SLIT3: variants seen among roughly 807,000 people sequenced by gnomAD.
SLIT3 encodes slit guidance ligand 3.
A neutral mutation model predicts 184.0 loss-of-function variants in SLIT3; 68 were observed. The observed-to-expected ratio is 0.37, with a 90% CI of 0.30 to 0.45. SLIT3 has a LOEUF of 0.45. Among genes scored for constraint, SLIT3 ranks in the 20% least tolerant of loss-of-function variants. The pLI is 1.00. For missense variants in SLIT3, 1,707 were observed against 2,026.0 expected (o/e 0.84, Z 3.02); for synonymous variants, 831 against 828.6 (o/e 1.00, Z -0.05).
At chr5:168,791,012 C>T (rs756065563) in intron 10 of SLIT3, 30 of 152,354 alleles carry the variant, frequency 2.0e-4, no homozygotes, top group African/African-American at 6.5e-4. Context: ...CCGACAAATC[C>T]GCAGATTGCA....
intron 4 of SLIT3, among the ~76,000 whole-genome samples, chr5:169,115,834 C>T (rs983060114): frequency 6.6e-6 from 1 of 152,216 alleles, no homozygotes; most frequent in Non-Finnish European, 1.5e-5. Flanking sequence ...GGGATCCGAT[C>T]CTCACACTTG....
At position 169,252,911 on chromosome 5, in the gene SLIT3, A is replaced by T. The variant is rs562698545; in HGVS notation, c.198-1452T>A. Among the ~76,000 whole-genome samples the T allele has an allele frequency of 1.4e-3, 212 of 152,298 alleles. 1 individual carries two copies. The highest frequency in any genetic ancestry group is 5.0e-3 in the African/African-American group (207 of 41,564). ...GATTAATCTCCTGGTATCAGACATA[A>T]TACTGAAATAAAAATCAAGTGAGTC... On this transcript the variant is annotated intron_variant, in intron 1 of 35. Transcript: ENST00000519560.
chr5:169,160,218 T>A (rs1027004166), intron 4 of SLIT3, among the ~76,000 whole-genome samples: 5 of 152,240 alleles, frequency 3.3e-5, no homozygotes, highest in Admixed American at 1.3e-4. Flanking sequence ...TTCAGAGAGA[T>A]TATTTTAATG....
At chr5:168,778,027 C>T (rs145501539) in intron 12 of SLIT3, among the ~76,000 whole-genome samples, 42 of 152,300 alleles carry the variant, frequency 2.8e-4, no homozygotes, top group East Asian at 1.4e-3. Context: ...TGAACACAGG[C>T]CTCCCTCTTT....
At chr5:168,827,598 C>T (rs1043212558) in intron 6 of SLIT3, among the ~76,000 whole-genome samples, 1 of 152,200 alleles carries the variant, frequency 6.6e-6, no homozygotes, top group African/African-American at 2.4e-5. Context: ...TCCAGGATAA[C>T]TCCTCCATCT....
chr5:168,870,120 C>G (rs1277936856), intron 5 of SLIT3, among the ~76,000 whole-genome samples: 1 of 152,250 alleles, frequency 6.6e-6, no homozygotes. Flanking sequence ...AGTATTGCGG[C>G]AGAGATCTCA....
At chr5:169,036,290 A>C (rs559887255) in intron 4 of SLIT3, 2 of 152,310 alleles carry the variant, frequency 1.3e-5, no homozygotes, top group East Asian at 3.9e-4. Flanking sequence ...CTTCAGTTTG[A>C]ATAAACAGAA....
chr5:169,006,712 T>TA (rs1755947417), intron 4 of SLIT3, among the ~76,000 whole-genome samples: 1 of 151,962 alleles, frequency 6.6e-6, no homozygotes, highest in African/African-American at 2.4e-5. Context: ...AAAGAAAAGT[T>TA]AATTCTTCAC....
chr5:168,863,680 G>A (rs930932957), intron 5 of SLIT3, among the ~76,000 whole-genome samples: 1 of 152,198 alleles, frequency 6.6e-6, no homozygotes, highest in Non-Finnish European at 1.5e-5. Flanking sequence ...TCAGATGCCA[G>A]GGAATCAAGT....
chr5:168,986,217 G>C (rs1755122750), intron 4 of SLIT3, among the ~76,000 whole-genome samples: 1 of 152,078 alleles, frequency 6.6e-6, no homozygotes, highest in Non-Finnish European at 1.5e-5. Flanking sequence ...TGCTAAGTAG[G>C]CAAATTTCAT....
At chr5:168,844,524 CACACACACAT>C in intron 6 of SLIT3, 50 bp downstream of exon 6, 1 of 1,448,714 alleles carries the variant, frequency 6.9e-7, no homozygotes. Flanking sequence ...CCCACACAGA[CACACACACAT>C]ACACACACAT....
chr5:169,243,851 G>A lies in SLIT3; in HGVS notation c.341+854C>T, dbSNP rs562540207. Among the ~76,000 whole-genome samples, 6 of 152,360 alleles carry A rather than the reference G, an allele frequency of 3.9e-5. No homozygotes were observed. The South Asian group carries it at 1.2e-3, about 32-fold the overall frequency. ...GAAATGTCAGGGCAACCAAGATTCA[G>A]AGAGAACTTTGAAGAGAGCCACCCA... is the stretch of plus-strand genomic sequence containing the variant. On this transcript the variant is annotated intron_variant, in intron 3 of 35. Coordinates refer to ENST00000519560, the MANE Select transcript of SLIT3 (RefSeq NM_003062.4).
At chr5:168,695,861 G>A (rs561168812) in intron 28 of SLIT3, among the ~76,000 whole-genome samples, 43 of 152,242 alleles carry the variant, frequency 2.8e-4, no homozygotes, top group Admixed American at 1.9e-3. Context: ...CTTATGAGAA[G>A]GAACTCTGTC....
At chr5:169,287,322 G>A (rs1369208538) in intron 1 of SLIT3, among the ~76,000 whole-genome samples, 3 of 152,100 alleles carry the variant, frequency 2.0e-5, no homozygotes, top group Non-Finnish European at 4.4e-5. Context: ...GATATGATCT[G>A]CCATCCCGAG....
chr5:168,809,609 C>A (rs921487318), intron 8 of SLIT3, among the ~76,000 whole-genome samples: 22 of 152,316 alleles, frequency 1.4e-4, no homozygotes, highest in African/African-American at 5.1e-4. Context: ...CACTTTGCTC[C>A]CTGTCTGGAC....
At chr5:168,974,629 T>C (rs1754688021) in intron 4 of SLIT3, among the ~76,000 whole-genome samples, 1 of 152,196 alleles carries the variant, frequency 6.6e-6, no homozygotes, top group Non-Finnish European at 1.5e-5. Context: ...AAGAGGCTTT[T>C]GGGCTCTGGA....
chr5:168,710,047 TCAAA>T (rs1314016230), intron 25 of SLIT3: 1 of 152,152 alleles, frequency 6.6e-6, no homozygotes, highest in African/African-American at 2.4e-5. Context: ...GGACATGATT[TCAAA>T]CAGAGAAAGA....
At chr5:169,222,244 A>C (rs1222885931) in intron 3 of SLIT3, among the ~76,000 whole-genome samples, 2 of 152,186 alleles carry the variant, frequency 1.3e-5, no homozygotes, top group Admixed American at 6.5e-5. Context: ...TGTCTGCTAT[A>C]TCTTTGTCCT....
intron 4 of SLIT3, among the ~76,000 whole-genome samples, chr5:169,165,808 T>C (rs968970791): frequency 2.8e-4 from 42 of 152,246 alleles, no homozygotes; most frequent in African/African-American, 9.2e-4. Context: ...TTACCTTGTC[T>C]ATCAAGTGCA....
Sources: allele counts gnomAD v4.1 joint callset (sites outside exome capture counted in the v4.1 genomes callset), GRCh38; gene constraint gnomAD v4.1.1; transcripts MANE v1.5; gene names NCBI Gene and HGNC (gene_info 2026-07-23, HGNC 2026-07-21).